BMAL2: variants seen among roughly 807,000 people sequenced by gnomAD.
The protein encoded by BMAL2 is basic helix-loop-helix ARNT like 2.
At chr12:27,392,465 CAGCT>C in the BMAL2 span, among the ~76,000 whole-genome samples, 1 of 147,792 alleles carries the variant, frequency 6.8e-6, no homozygotes, top group Non-Finnish European at 1.5e-5. Flanking sequence ...CCATAGCGAC[CAGCT>C]AGGAAGGACA....
the BMAL2 span, among the ~76,000 whole-genome samples, chr12:27,400,197 A>C: frequency 6.6e-6 from 1 of 152,128 alleles, no homozygotes; most frequent in African/African-American, 2.4e-5. Flanking sequence ...ATGAGGATTA[A>C]TTTTTTCTAA....
At chr12:27,405,885 A>G in the BMAL2 span, among the ~76,000 whole-genome samples, 1 of 152,242 alleles carries the variant, frequency 6.6e-6, no homozygotes. Context: ...TAACCAATGC[A>G]GAGAAGTCCT....
the BMAL2 span, among the ~76,000 whole-genome samples, chr12:27,350,998 T>TTC: frequency 6.9e-4 from 40 of 57,972 alleles, no homozygotes; most frequent in Middle Eastern, 0.012. Context: ...CCCCCCCTTT[T>TTC]TTTTTTTTGA....
At chr12:27,385,214 T>C in the BMAL2 span, among the ~76,000 whole-genome samples, 2 of 152,238 alleles carry the variant, frequency 1.3e-5, no homozygotes, top group South Asian at 4.1e-4. Flanking sequence ...TTCAGGAGGC[T>C]GAGGCACGAG....
chr12:27,345,244 G>A, the BMAL2 span, among the ~76,000 whole-genome samples: 3 of 152,202 alleles, frequency 2.0e-5, no homozygotes, highest in African/African-American at 7.2e-5. Flanking sequence ...CTTGCTAAAA[G>A]GTAGTGCTGG....
the BMAL2 span, chr12:27,368,379 G>A: frequency 2.5e-6 from 4 of 1,614,098 alleles, no homozygotes; most frequent in South Asian, 3.3e-5. Context: ...GAGTTTCCAC[G>A]AAAACGCAAA....
chr12:27,341,754 C>G, the BMAL2 span, among the ~76,000 whole-genome samples: 1 of 152,096 alleles, frequency 6.6e-6, no homozygotes, highest in African/African-American at 2.4e-5. Flanking sequence ...CTGTGCAGTT[C>G]CATGGGACAA....
chr12:27,401,182 C>A, the BMAL2 span: 3 of 1,145,778 alleles, frequency 2.6e-6, no homozygotes, highest in Admixed American at 3.4e-5. Context: ...CGATCCTGAC[C>A]ATATGTGGGC....
chr12:27,421,997 G>A, the BMAL2 span: 1 of 152,032 alleles, frequency 6.6e-6, no homozygotes, highest in Non-Finnish European at 1.5e-5. Flanking sequence ...AAATTATGAG[G>A]CAATGAGAAA....
the BMAL2 span, among the ~76,000 whole-genome samples, chr12:27,335,329 C>T: frequency 1.3e-5 from 2 of 152,136 alleles, no homozygotes; most frequent in African/African-American, 4.8e-5. Context: ...TGGGTGTCCT[C>T]CTAATAAATG....
the BMAL2 span, among the ~76,000 whole-genome samples, chr12:27,384,669 A>G: frequency 2.6e-5 from 4 of 152,238 alleles, no homozygotes; most frequent in Non-Finnish European, 5.9e-5. Context: ...ACATATACCT[A>G]TGATAAAGTT....
chr12:27,397,815 A>G, the BMAL2 span, among the ~76,000 whole-genome samples: 1 of 152,232 alleles, frequency 6.6e-6, no homozygotes, highest in Non-Finnish European at 1.5e-5. Context: ...TCTTAAATTT[A>G]TCTTCATAAG....
At chr12:27,415,835 A>G in the BMAL2 span, 23 of 1,457,038 alleles carry the variant, frequency 1.6e-5, no homozygotes, top group Non-Finnish European at 2.1e-5. Flanking sequence ...AAAATATGTA[A>G]AATTAAAAAT....
chr12:27,368,430 T>C, the BMAL2 span: 2 of 1,612,804 alleles, frequency 1.2e-6, no homozygotes, highest in Non-Finnish European at 1.7e-6. Flanking sequence ...AATTTGGTCC[T>C]CTAACCCAGT....
the BMAL2 span, chr12:27,415,920 A>C: frequency 6.2e-7 from 1 of 1,605,728 alleles, no homozygotes; most frequent in Non-Finnish European, 8.5e-7. Context: ...GTTTAATGAA[A>C]GATACTCATA....
chr12:27,387,209 C>CT, the BMAL2 span: 343 of 1,516,008 alleles, frequency 2.3e-4, no homozygotes, highest in Non-Finnish European at 2.6e-4. Context: ...AAAATATTCA[C>CT]TTTTTTTTTA....
At chr12:27,371,783 C>T in the BMAL2 span, among the ~76,000 whole-genome samples, 1 of 152,092 alleles carries the variant, frequency 6.6e-6, no homozygotes, top group Non-Finnish European at 1.5e-5. Flanking sequence ...ATTAAGTGTA[C>T]AATTAATTGG....
the BMAL2 span, among the ~76,000 whole-genome samples, chr12:27,392,642 CA>C: frequency 1.0e-5 from 1 of 98,158 alleles, no homozygotes; most frequent in African/African-American, 4.0e-5. Context: ...AGGATCCAAT[CA>C]TTTGTAAATC....
chr12:27,357,409 T>G, the BMAL2 span, among the ~76,000 whole-genome samples: 1 of 152,208 alleles, frequency 6.6e-6, no homozygotes, highest in Non-Finnish European at 1.5e-5. Context: ...CATGGATGGG[T>G]AGAATCAATA....
Sources: allele counts gnomAD v4.1 joint callset (sites outside exome capture counted in the v4.1 genomes callset), GRCh38; gene constraint gnomAD v4.1.1; transcripts MANE v1.5; gene names NCBI Gene and HGNC (gene_info 2026-07-23, HGNC 2026-07-21).